The following FAM149B1 variants were observed in gnomAD, a reference collection of about 807,000 sequenced individuals.
FAM149B1 encodes family with sequence similarity 149 member B1.
FAM149B1 carries 56 observed loss-of-function variants against 75.3 expected under a neutral mutation model. The observed-to-expected ratio is 0.74, with a 90% confidence interval of 0.60 to 0.93. The LOEUF is 0.93. Among genes scored for constraint, FAM149B1 ranks in the 40% least tolerant of loss-of-function variants. The pLI is 0.00. For missense variants in FAM149B1, 639 were observed against 708.4 expected (o/e 0.90, Z 1.11); for synonymous variants, 259 against 256.1 (o/e 1.01, Z -0.11).
chr10:73,178,850 T>C (rs1470479590), intron 3 of FAM149B1, among the ~76,000 whole-genome samples: 1 of 152,226 alleles, frequency 6.6e-6, no homozygotes, highest in Non-Finnish European at 1.5e-5. Flanking sequence ...TTTTTGGCTA[T>C]TTCCCATTAT....
intron 3 of FAM149B1, among the ~76,000 whole-genome samples, chr10:73,185,856 T>A (rs1422566941): frequency 6.6e-6 from 1 of 152,164 alleles, no homozygotes; most frequent in Non-Finnish European, 1.5e-5. Flanking sequence ...AATCAACTTA[T>A]TTCTATATAC....
In FAM149B1 at chr10:73,235,368, G is replaced by T. The variant is rs1221628716; in HGVS notation, c.1602+50G>T. 5 of 1,547,918 alleles carry T rather than the reference G, an allele frequency of 3.2e-6. No homozygotes were observed. In the East Asian group the frequency reaches 1.2e-4, roughly 38 times the overall value. On this transcript the variant is annotated intron_variant, in intron 12 of 13. Transcript: ENST00000242505. ...GGTCTTGATAGTTGGGGAAAGAAAAGGTGGGGGGAATAATAGTTTGGCAGA... is the reference window on the plus strand; with the variant it reads ...GGTCTTGATAGTTGGGGAAAGAAAATGTGGGGGGAATAATAGTTTGGCAGA...
At chr10:73,195,152 C>T (rs1289006601) in intron 5 of FAM149B1, among the ~76,000 whole-genome samples, 1 of 151,942 alleles carries the variant, frequency 6.6e-6, no homozygotes, top group Admixed American at 6.6e-5. Context: ...ATACTTTTTC[C>T]CAGGGCTCCA....
Position 73,243,629 on chromosome 10 carries a change from T to G in FAM149B1, c.*2610T>G. 1.6e-5 allele frequency: 23 copies of G among 1,406,542 alleles called. No individual in the cohort carries two copies. The highest frequency in any genetic ancestry group is 2.1e-5 in the Non-Finnish European group (22 of 1,026,544). The allele number at this position is 1,406,542 out of a possible 1,614,324, so 87.1% of individuals were successfully genotyped here. A position where few individuals can be genotyped will look rare whatever the true frequency, so the allele number is the denominator to read the frequency against. On this transcript the variant is annotated 3_prime_UTR_variant, in exon 14 of 14. Coordinates refer to ENST00000242505, the MANE Select transcript of FAM149B1 (RefSeq NM_173348.2). ...GAATAACTACTAATGGGTATGGAGT[T>G]TTTTTGGAATGGTGAAAATGTCCTA...
rs762715318 is a variant in FAM149B1, at chr10:73,230,278, C to T, written c.1024-144C>T. The stretch of plus-strand genomic sequence containing the variant: ...GACAGTTGACTTGGGGCCCCAGCTA[C>T]GGGCCCCAAGATGTTATAAAAATTA... On this transcript the variant is annotated intron_variant, in intron 8 of 13. Coordinates refer to ENST00000242505, the MANE Select transcript of FAM149B1 (RefSeq NM_173348.2). 88 of 560,586 alleles carry T rather than the reference C, an allele frequency of 1.6e-4. 1 individual carries two copies. Among genetic ancestry groups the T allele is most frequent in the Middle Eastern group, 1.4e-3 (4 of 2,896 alleles). 34.7% of individuals were successfully genotyped at this position (560,586 alleles called of 1,614,324 possible).
chr10:73,176,056 A>G (rs921262797), intron 2 of FAM149B1, among the ~76,000 whole-genome samples: 1 of 152,056 alleles, frequency 6.6e-6, no homozygotes, highest in Non-Finnish European at 1.5e-5. Context: ...TAATTATACA[A>G]CTCACCATAA....
At chr10:73,192,965 A>G (rs2042717988) in intron 4 of FAM149B1, among the ~76,000 whole-genome samples, 1 of 152,204 alleles carries the variant, frequency 6.6e-6, no homozygotes, top group African/African-American at 2.4e-5. Context: ...AGTATCAAAA[A>G]GCCCTTCTTT....
At chr10:73,213,019 A>AT (rs1005446343) in intron 7 of FAM149B1, among the ~76,000 whole-genome samples, 3 of 151,474 alleles carry the variant, frequency 2.0e-5, no homozygotes, top group East Asian at 1.9e-4. Flanking sequence ...ATCTTTTGGT[A>AT]TTTTTTTTGT....
At position 73,243,648 on chromosome 10, in the gene FAM149B1, T is replaced by C. The variant is rs1388911186; in HGVS notation, c.*2629T>C. The C allele has an allele frequency of 7.9e-7, 1 of 1,273,352 alleles. No individual in the cohort carries two copies. The highest frequency in any genetic ancestry group is 1.1e-6 in the Non-Finnish European group (1 of 912,834). The allele number at this position is 1,273,352 out of a possible 1,614,324, so 78.9% of individuals were successfully genotyped here. On this transcript the variant is annotated 3_prime_UTR_variant, in exon 14 of 14. Transcript: ENST00000242505. ...TGGAGTTTTTTTGGAATGGTGAAAA[T>C]GTCCTACAATTGGTGTTAATAATTG...
At chr10:73,230,565 G>A in intron 9 of FAM149B1, 40 bp downstream of exon 9, 1 of 1,131,240 alleles carries the variant, frequency 8.8e-7, no homozygotes, top group East Asian at 2.6e-5. Context: ...AGTGTAAAAG[G>A]GAAACAGAGG....
At chr10:73,204,996 T>TTTTTTTTTTTTTC (rs1564697638) in intron 5 of FAM149B1, among the ~76,000 whole-genome samples, 1 of 117,760 alleles carries the variant, frequency 8.5e-6, no homozygotes, top group Non-Finnish European at 1.7e-5. Context: ...TTTTTTTTTT[T>TTTTTTTTTTTTTC]AGTAGAGACA....
At chr10:73,239,010 G>A (rs1032171338) in intron 12 of FAM149B1, 3 of 219,536 alleles carry the variant, frequency 1.4e-5, no homozygotes, top group Admixed American at 5.7e-5. Context: ...GAAATGAGAC[G>A]AACCCCCTTA....
At chr10:73,188,248 C>T (rs1021834771) in intron 3 of FAM149B1, among the ~76,000 whole-genome samples, 2 of 151,986 alleles carry the variant, frequency 1.3e-5, no homozygotes, top group Non-Finnish European at 2.9e-5. Flanking sequence ...TTTTCCTTAA[C>T]AAATGTTGCT....
intron 13 of FAM149B1, among the ~76,000 whole-genome samples, chr10:73,240,730 C>A (rs891131925): frequency 4.0e-5 from 6 of 149,554 alleles, no homozygotes; most frequent in Non-Finnish European, 8.9e-5. Flanking sequence ...AAAAAAAAAA[C>A]CTCAGGTATA....
chr10:73,202,769 C>A lies in FAM149B1; in HGVS notation c.543-5850C>A, dbSNP rs150003034. Among the ~76,000 whole-genome samples, 291 of 151,916 alleles carry A rather than the reference C, an allele frequency of 1.9e-3. 3 individuals carry two copies. Among genetic ancestry groups the A allele is most frequent in the African/African-American group, 6.6e-3 (274 of 41,424 alleles). On this transcript the variant is annotated intron_variant, in intron 5 of 13. Transcript: ENST00000242505. ...ACAGTGGTGCAATCTCAGCTCATTA[C>A]AGCCTTGATCTCCTGGGCTCAGGTG... is the stretch of plus-strand genomic sequence containing the variant.
chr10:73,213,339 C>T (rs538931227), intron 7 of FAM149B1, among the ~76,000 whole-genome samples: 1 of 152,168 alleles, frequency 6.6e-6, no homozygotes. Context: ...AATTGAATCC[C>T]ATTTGTCTAT....
chr10:73,216,884 C>A (rs1329509436), intron 7 of FAM149B1, among the ~76,000 whole-genome samples: 4 of 152,212 alleles, frequency 2.6e-5, no homozygotes, highest in Non-Finnish European at 4.4e-5. Flanking sequence ...ATGAAACCAT[C>A]ACCACAATCA....
chr10:73,213,492 T>C (rs997641876), intron 7 of FAM149B1, among the ~76,000 whole-genome samples: 2 of 152,202 alleles, frequency 1.3e-5, no homozygotes, highest in Non-Finnish European at 2.9e-5. Context: ...CATTTTTGTA[T>C]ACGGTGAGAG....
intron 1 of FAM149B1, among the ~76,000 whole-genome samples, chr10:73,173,521 A>T (rs1843804513): frequency 6.6e-6 from 1 of 152,192 alleles, no homozygotes; most frequent in South Asian, 2.1e-4. Context: ...GGCAACCATT[A>T]ATCTGTTCTC....
Sources: gnomAD v4.1 joint callset for allele counts (sites outside exome capture counted in the v4.1 genomes callset) on GRCh38, gnomAD v4.1.1 for gene constraint, MANE v1.5 for transcripts, NCBI Gene and HGNC (gene_info 2026-07-23, HGNC 2026-07-21) for gene names.